The following TRIM66 variants were observed in gnomAD, a reference collection of about 807,000 sequenced individuals.
The protein encoded by TRIM66 is tripartite motif containing 66, also known as tripartite motif-containing protein 66.
In TRIM66, 99 loss-of-function variants were observed where a neutral mutation model predicts 148.2. That is an observed-to-expected ratio of 0.67 (90% CI 0.57 to 0.79). The LOEUF (loss-of-function observed/expected upper bound fraction) is 0.79. TRIM66 is among the 30% of genes least tolerant of loss of function. The pLI is 0.00. For synonymous variants in TRIM66, 616 were observed against 635.9 expected (o/e 0.97, Z 0.47); for missense variants, 1,666 against 1,697.9 (o/e 0.98, Z 0.33).
At chr11:8,619,954 C>A (rs7946508) in intron 22 of TRIM66, 96 bp downstream of exon 22, 1,115,708 of 1,117,388 alleles carry the variant, frequency 1, 557,033 homozygotes, top group East Asian at 1. Context: ...AATTTTGTGA[C>A]TCTAGAAAAA....
At chr11:8,644,406 T>A in intron 12 of TRIM66, 1 of 454,244 alleles carries the variant, frequency 2.2e-6, no homozygotes, top group South Asian at 1.6e-5. Flanking sequence ...CTTACCAATG[T>A]TTTAACCCTC....
chr11:8,675,808 G>C (rs376282899), intron 3 of TRIM66, among the ~76,000 whole-genome samples: 1 of 151,822 alleles, frequency 6.6e-6, no homozygotes, highest in African/African-American at 2.4e-5. Flanking sequence ...GCGTGATCTT[G>C]ATTCACTGCA....
chr11:8,672,380 C>T lies in TRIM66; in HGVS notation c.-106G>A. 3 of 1,504,924 alleles carry T rather than the reference C, an allele frequency of 2.0e-6. No individual in the cohort carries two copies. Among genetic ancestry groups the T allele is most frequent in the Non-Finnish European group, 2.6e-6 (3 of 1,134,056 alleles). 93.2% of individuals were successfully genotyped at this position (1,504,924 alleles called of 1,614,324 possible). A position where few individuals can be genotyped will look rare whatever the true frequency, so the allele number is the denominator to read the frequency against. ...GTGCCTCTCCTTATTGGTAGACAAG[C>T]TTGACCTAAGTTTCAATTTTGGAAA... is the stretch of plus-strand genomic sequence containing the variant. On this transcript the variant is annotated 5_prime_UTR_variant, in exon 5 of 25. Transcript: ENST00000646038.
At position 8,682,629 on chromosome 11, in the gene TRIM66, C is replaced by G; in HGVS notation, c.-576G>C. On this transcript the variant is annotated 5_prime_UTR_variant, in exon 1 of 25. Transcript: ENST00000646038. The stretch of plus-strand genomic sequence containing the variant: ...AACCGTACACCGCCACCAGGACACT[C>G]CGTGATGGGGGATCACCACCCTCAG... 1 of 686,788 alleles carries G rather than the reference C, an allele frequency of 1.5e-6. No individual in the cohort carries two copies. The highest frequency in any genetic ancestry group is 2.6e-6 in the Non-Finnish European group (1 of 383,452). 42.5% of individuals were successfully genotyped at this position (686,788 alleles called of 1,614,324 possible).
chr11:8,666,232 G>A (rs957065968), intron 6 of TRIM66, among the ~76,000 whole-genome samples: 6 of 150,382 alleles, frequency 4.0e-5, no homozygotes, highest in South Asian at 2.1e-4. Flanking sequence ...CTAGCTACTC[G>A]GGAGGCTGAG....
rs1238532965 is a variant in TRIM66 at position 8,648,637 on chromosome 11, G to T, written c.593-89C>A. ...TTTGCTGCACAGCTCTCAGCCTTCA[G>T]AGGACACTGCAGAAATACAGAGCTC... On this transcript the variant is annotated intron_variant, in intron 8 of 24. Coordinates refer to ENST00000646038, the MANE Select transcript of TRIM66 (RefSeq NM_001388022.1). The T allele has an allele frequency of 4.8e-6, 7 of 1,448,880 alleles. No individual in the cohort carries two copies. In the South Asian group the frequency reaches 9.1e-5, roughly 19 times the overall value. 89.8% of individuals were successfully genotyped at this position (1,448,880 alleles called of 1,614,324 possible). A position where few individuals can be genotyped will look rare whatever the true frequency, so the allele number is the denominator to read the frequency against.
intron 13 of TRIM66, 140 bp downstream of exon 13, chr11:8,642,869 G>GT: frequency 6.0e-6 from 1 of 167,418 alleles, no homozygotes. Flanking sequence ...AAAAAAAAAA[G>GT]GTTTGCTGAA....
intron 8 of TRIM66, among the ~76,000 whole-genome samples, 189 bp from the exon 9 acceptor site, chr11:8,648,737 G>T (rs2037085414): frequency 6.6e-6 from 1 of 152,166 alleles, no homozygotes; most frequent in Non-Finnish European, 1.5e-5. Context: ...GGCTGGATTT[G>T]CCCAGTTGTC....
chr11:8,627,839 T>C (rs1422878431), intron 15 of TRIM66, among the ~76,000 whole-genome samples: 1 of 152,206 alleles, frequency 6.6e-6, no homozygotes, highest in Non-Finnish European at 1.5e-5. Flanking sequence ...TTGTTTTGTT[T>C]TTCTGAACAG....
intron 6 of TRIM66, chr11:8,663,060 T>G (rs1279645659): frequency 6.6e-6 from 1 of 152,180 alleles, no homozygotes; most frequent in Non-Finnish European, 1.5e-5. Context: ...CCAATTCCAA[T>G]AGCTAGCATT....
intron 3 of TRIM66, among the ~76,000 whole-genome samples, chr11:8,676,806 G>A (rs2133550268): frequency 6.6e-6 from 1 of 152,230 alleles, no homozygotes; most frequent in Admixed American, 6.5e-5. Context: ...TTGCAAGACT[G>A]TACTTAAGCC....
At chr11:8,670,101 C>A (rs1209372300) in intron 6 of TRIM66, among the ~76,000 whole-genome samples, 1 of 151,394 alleles carries the variant, frequency 6.6e-6, no homozygotes, top group South Asian at 2.1e-4. Context: ...CAACTTCCAC[C>A]TCCTGGGTTC....
Position 8,625,226 on chromosome 11 carries a change from G to A in TRIM66, c.2313C>T (p.His771=). 1 of 1,495,952 alleles carries A rather than the reference G, an allele frequency of 6.7e-7. No individual in the cohort carries two copies. Among genetic ancestry groups the A allele is most frequent in the Non-Finnish European group, 9.0e-7 (1 of 1,116,386 alleles). 92.7% of individuals were successfully genotyped at this position (1,495,952 alleles called of 1,614,324 possible). A position where few individuals can be genotyped will look rare whatever the true frequency, so the allele number is the denominator to read the frequency against. The change falls in exon 16 of 25, where the codon CAC becomes CAT. Residue 771 remains histidine (H), a splice_region_variant and synonymous_variant. Coordinates refer to ENST00000646038, the MANE Select transcript of TRIM66 (RefSeq NM_001388022.1). ...QHSSPNVVRK[H]STSLSIMGFS... ...AGCCCATGATGCTCAGCGAGGTGGA[G>A]TGCTGCAGGAACAGAGACAAGGGGT...
At chr11:8,627,443 T>G (rs1218717435) in intron 15 of TRIM66, among the ~76,000 whole-genome samples, 1 of 152,196 alleles carries the variant, frequency 6.6e-6, no homozygotes, top group Non-Finnish European at 1.5e-5. Context: ...ATATATTACT[T>G]TATTTAATCC....
chr11:8,629,389 G>A (rs911069351), intron 15 of TRIM66, among the ~76,000 whole-genome samples: 4 of 152,170 alleles, frequency 2.6e-5, no homozygotes, highest in Admixed American at 2.6e-4. Flanking sequence ...TGGACATTGA[G>A]AATTATATAG....
chr11:8,625,103 G>A lies in TRIM66; in HGVS notation c.2436C>T (p.Pro812=). The A allele has an allele frequency of 1.9e-6, 3 of 1,551,692 alleles. No individual in the cohort carries two copies. Among genetic ancestry groups the A allele is most frequent in the Non-Finnish European group, 2.6e-6 (3 of 1,146,978 alleles). ...QSVSNLTAGA[P]QAVPSLLSAP... ...CACTCAGCAGGCTTGGTACTGCCTG[G>A]GGGGCACCAGCTGTCAGGTTGCTCA... Residue 812 remains proline (P), a synonymous_variant, in exon 16 of 25, where the codon CCC becomes CCT. Transcript: ENST00000646038.
upstream of TRIM66, chr11:8,682,701 C>A (rs1396404560): frequency 3.1e-6 from 4 of 1,301,180 alleles, no homozygotes; most frequent in Admixed American, 7.0e-5. Flanking sequence ...GACCAGGAGG[C>A]CCCGCCCGAA....
At chr11:8,681,423 A>G (rs1369306464) in intron 1 of TRIM66, among the ~76,000 whole-genome samples, 1 of 152,098 alleles carries the variant, frequency 6.6e-6, no homozygotes, top group East Asian at 1.9e-4. Context: ...GTAAGCCACC[A>G]CGCCCGGCCA....
intron 6 of TRIM66, chr11:8,658,850 C>T: frequency 3.1e-6 from 3 of 971,148 alleles, no homozygotes; most frequent in South Asian, 4.8e-5. Context: ...TACATACTCA[C>T]CTGCTCCTGC....
Sources: gnomAD v4.1 joint callset for allele counts (sites outside exome capture counted in the v4.1 genomes callset) on GRCh38, gnomAD v4.1.1 for gene constraint, MANE v1.5 for transcripts, NCBI Gene and HGNC (gene_info 2026-07-23, HGNC 2026-07-21) for gene names.